ZNF251: variants seen among roughly 807,000 people sequenced by gnomAD.
ZNF251 encodes zinc finger protein 251.
A neutral mutation model predicts 13.5 loss-of-function variants in ZNF251; 14 were observed. The observed-to-expected ratio is 1.04, with a 90% CI of 0.69 to 1.63. The LOEUF (loss-of-function observed/expected upper bound fraction) is 1.63, where lower values mean the gene tolerates loss of function less well. Ranked by LOEUF, ZNF251 falls within the 40% of genes most tolerant of loss-of-function variation. The probability of loss-of-function intolerance (pLI) is 0.00; values close to 1 mark genes in which losing one functional copy is unlikely to be tolerated. For missense variants in ZNF251, 764 were observed against 834.9 expected, an observed-to-expected ratio of 0.92 and a Z score of 1.05; for synonymous variants, 287 against 295.2, an observed-to-expected ratio of 0.97 and a Z score of 0.28.
intron 4 of ZNF251, among the ~76,000 whole-genome samples, chr8:144,738,312 T>C (rs1425609016): frequency 1.3e-5 from 2 of 152,134 alleles, no homozygotes; most frequent in African/African-American, 2.4e-5. Context: ...ATATGCCCCG[T>C]AGAAAGGCAA....
chr8:144,736,794 C>G (rs962542474), intron 4 of ZNF251, among the ~76,000 whole-genome samples: 4 of 144,234 alleles, frequency 2.8e-5, no homozygotes, highest in African/African-American at 1.0e-4. Context: ...GCCCGGCCTA[C>G]TTTATTATTG....
intron 4 of ZNF251, among the ~76,000 whole-genome samples, chr8:144,732,637 C>T (rs367557809): frequency 6.6e-6 from 1 of 151,250 alleles, no homozygotes; most frequent in Admixed American, 6.6e-5. Context: ...ACGGTGAAAC[C>T]CCGTCTCTAC....
At chr8:144,733,774 T>A (rs984220713) in intron 4 of ZNF251, among the ~76,000 whole-genome samples, 2 of 152,044 alleles carry the variant, frequency 1.3e-5, no homozygotes, top group Non-Finnish European at 2.9e-5. Flanking sequence ...CGTAAGCAAA[T>A]CTTTATTTTC....
chr8:144,739,276 C>A (rs1401686965), intron 4 of ZNF251, among the ~76,000 whole-genome samples: 6 of 147,478 alleles, frequency 4.1e-5, no homozygotes, highest in African/African-American at 1.5e-4. Flanking sequence ...TCCACCCCGC[C>A]AAACTAGGAT....
At position 144,755,458 on chromosome 8, in the gene ZNF251, C is replaced by T; in HGVS notation, c.-129G>A. 1 of 1,287,324 alleles carries T rather than the reference C, an allele frequency of 7.8e-7. No individual in the cohort carries two copies. Among genetic ancestry groups the T allele is most frequent in the Non-Finnish European group, 1.0e-6 (1 of 988,768 alleles). 79.7% of individuals were successfully genotyped at this position (1,287,324 alleles called of 1,614,324 possible). ...AGGAAGCGCCGAGGAGCTGCGCAGTCGCACCGAGCCCGGAACGGACCCTCC... is the reference window on the plus strand; with the variant it reads ...AGGAAGCGCCGAGGAGCTGCGCAGTTGCACCGAGCCCGGAACGGACCCTCC... On this transcript the variant is annotated 5_prime_UTR_variant, in exon 1 of 5. Coordinates refer to ENST00000292562, the MANE Select transcript of ZNF251 (RefSeq NM_138367.2).
At chr8:144,742,650 G>A (rs531914363) in intron 4 of ZNF251, among the ~76,000 whole-genome samples, 6 of 152,030 alleles carry the variant, frequency 3.9e-5, no homozygotes, top group South Asian at 2.1e-4. Context: ...TAGTGTCACC[G>A]CCCTAAAAAT....
In ZNF251 at chr8:144,721,531, A is replaced by G. The variant is rs988734158; in HGVS notation, c.*113T>C. Reference sequence around the variant, plus strand: ...GACTTTGACTTTAGTAGTCATCTGAACTATTTATTTTACTTTGCCAGTAAT... The same window carrying G: ...GACTTTGACTTTAGTAGTCATCTGAGCTATTTATTTTACTTTGCCAGTAAT... On this transcript the variant is annotated 3_prime_UTR_variant, in exon 5 of 5. Coordinates refer to ENST00000292562, the MANE Select transcript of ZNF251 (RefSeq NM_138367.2). 8 of 1,078,204 alleles carry G rather than the reference A, an allele frequency of 7.4e-6. No individual in the cohort carries two copies. The highest frequency in any genetic ancestry group is 9.5e-6 in the Non-Finnish European group (8 of 839,952). 66.8% of individuals were successfully genotyped at this position (1,078,204 alleles called of 1,614,324 possible).
intron 4 of ZNF251, among the ~76,000 whole-genome samples, chr8:144,729,732 G>A (rs1465618642): frequency 2.0e-5 from 3 of 152,070 alleles, no homozygotes; most frequent in South Asian, 4.1e-4. Flanking sequence ...ATGGTGGCTC[G>A]CGCCTGTGAT....
intron 4 of ZNF251, among the ~76,000 whole-genome samples, chr8:144,752,270 T>C (rs1374499119): frequency 6.6e-6 from 1 of 152,156 alleles, no homozygotes; most frequent in African/African-American, 2.4e-5. Context: ...ACGTGGTATT[T>C]GTACTGGGAG....
chr8:144,729,481 C>T (rs376256495), intron 4 of ZNF251, among the ~76,000 whole-genome samples: 10,813 of 151,262 alleles, frequency 0.071, 1,240 homozygotes, highest in African/African-American at 0.25. Flanking sequence ...GGACTACAGG[C>T]GCCCGCCACC....
At chr8:144,753,881 G>A (rs1380254592) in intron 3 of ZNF251, 85 bp from the exon 4 acceptor site, 3 of 1,047,092 alleles carry the variant, frequency 2.9e-6, no homozygotes, top group South Asian at 1.5e-5. Flanking sequence ...CTGTGTGCAC[G>A]TGTGTACGCC....
intron 4 of ZNF251, among the ~76,000 whole-genome samples, chr8:144,736,455 T>TTTTA (rs71297475): frequency 0.08 from 11,387 of 142,272 alleles, 510 homozygotes; most frequent in Middle Eastern, 0.1. Flanking sequence ...CCTTCCTTTA[T>TTTTA]TTTATTTATT....
intron 4 of ZNF251, among the ~76,000 whole-genome samples, chr8:144,736,455 TTTTA>T (rs71297475): frequency 0.24 from 34,529 of 142,124 alleles, 4,361 homozygotes; most frequent in East Asian, 0.4. Context: ...CCTTCCTTTA[TTTTA>T]TTTATTTATT....
Position 144,722,903 on chromosome 8 carries a change from C to G in ZNF251, c.757G>C (p.Val253Leu), listed in dbSNP as rs1823412817. ...CCAGTGTGAATGTGATGGTGCAGAA[C>G]AAGATTTGAGCTGTGAGTAAAGGCT... ...GRAFTHSSNL[V>L]LHHHIHTGNK... Residue 253 changes from valine to leucine, a missense_variant, in exon 5 of 5, where the codon GTT becomes CTT. By Grantham distance (32) the Val-to-Leu change is conservative (BLOSUM62 1). Transcript: ENST00000292562. This position sits in a 1 kb window ranked among gnomAD's most constrained non-coding sequence, Gnocchi z 4.8. 1 of 1,613,866 alleles carries G rather than the reference C, an allele frequency of 6.2e-7. No individual in the cohort carries two copies. The highest frequency in any genetic ancestry group is 2.2e-5 in the East Asian group (1 of 44,868).
chr8:144,722,620 T>C lies in ZNF251; in HGVS notation c.1040A>G (p.Lys347Arg). Residue 347 changes from lysine to arginine, a missense_variant, in exon 5 of 5, where the codon AAG (lysine) becomes AGG (arginine). Physicochemically the swap from Lys to Arg is conservative, Grantham distance 26. Coordinates refer to ENST00000292562, the MANE Select transcript of ZNF251 (RefSeq NM_138367.2). This position sits in a 1 kb window ranked among gnomAD's most constrained non-coding sequence, Gnocchi z 4.8. The stretch of plus-strand genomic sequence containing the variant: ...CCCACAGTGACTGCATTCATGCGGC[T>C]TCTCTCCAGTGTGAATTCTCTGATG... Reference protein sequence around the residue: ...TQHQRIHTGEKPHECSHCGKA... With the variant: ...TQHQRIHTGERPHECSHCGKA... The C allele has an allele frequency of 6.2e-7, 1 of 1,614,198 alleles. No homozygotes were observed. Among genetic ancestry groups the C allele is most frequent in the Middle Eastern group, 1.6e-4 (1 of 6,062 alleles).
intron 4 of ZNF251, among the ~76,000 whole-genome samples, chr8:144,728,499 T>G (rs576089805): frequency 1.3e-5 from 2 of 151,518 alleles, no homozygotes; most frequent in South Asian, 4.2e-4. Context: ...TCATCTCTAC[T>G]AAAAATACAA....
At chr8:144,755,177 G>A in intron 1 of ZNF251, 1 of 1,173,042 alleles carries the variant, frequency 8.5e-7, no homozygotes, top group Non-Finnish European at 1.1e-6. Flanking sequence ...GGATGCTGCC[G>A]AAGGCCCCAG....
At position 144,722,581 on chromosome 8, in the gene ZNF251, C is replaced by T. The variant is rs775777068; in HGVS notation, c.1079G>A (p.Arg360Gln). ...CTCATGCTGAATAAGGCTGGAGCTTCGACTGAAGGCCTTCCCACAGTGACT... is the reference window on the plus strand; with the variant it reads ...CTCATGCTGAATAAGGCTGGAGCTTTGACTGAAGGCCTTCCCACAGTGACT... ...ECSHCGKAFS[R>Q]SSSLIQHERI... Residue 360 changes from arginine (R) to glutamine (Q), a missense_variant, in exon 5 of 5, where the codon CGA becomes CAA. By Grantham distance (43) the Arg-to-Gln change is conservative (BLOSUM62 1). Coordinates refer to ENST00000292562, the MANE Select transcript of ZNF251 (RefSeq NM_138367.2). This position sits in a 1 kb window ranked among gnomAD's most constrained non-coding sequence, Gnocchi z 4.8. 16 of 1,613,478 alleles carry T rather than the reference C, an allele frequency of 9.9e-6. No individual in the cohort carries two copies. The highest frequency in any genetic ancestry group is 2.2e-5 in the South Asian group (2 of 91,022).
intron 4 of ZNF251, among the ~76,000 whole-genome samples, chr8:144,750,284 A>G (rs759108718): frequency 5.3e-5 from 8 of 152,162 alleles, no homozygotes; most frequent in Non-Finnish European, 7.3e-5. Context: ...CAGGGCTTTC[A>G]TCCTGTTTTC....
Sources: allele counts gnomAD v4.1 joint callset (sites outside exome capture counted in the v4.1 genomes callset), GRCh38; gene constraint gnomAD v4.1.1; non-coding constraint Gnocchi (gnomAD v3.1); transcripts MANE v1.5; gene names NCBI Gene and HGNC (gene_info 2026-07-23, HGNC 2026-07-21).